RGS5: variants seen among roughly 807,000 people sequenced by gnomAD.
The protein encoded by RGS5 is regulator of G protein signaling 5.
A neutral mutation model predicts 18.9 loss-of-function variants in RGS5; 20 were observed. The ratio of observed to expected loss-of-function variants is 1.06; its 90% confidence interval spans 0.74 to 1.54. The LOEUF (loss-of-function observed/expected upper bound fraction) is 1.54. Ranked by LOEUF, RGS5 falls within the 40% of genes most tolerant of loss-of-function variation. The pLI, the probability that RGS5 is intolerant of heterozygous loss-of-function variation, is 0.00. For missense variants in RGS5, 201 were observed against 211.8 expected, an observed-to-expected ratio of 0.95 and a Z score of 0.32; for synonymous variants, 57 against 76.2, an observed-to-expected ratio of 0.75 and a Z score of 1.31.
chr1:163,297,074 T>C (rs1450557305), intron 2 of RGS5, among the ~76,000 whole-genome samples: 1 of 152,140 alleles, frequency 6.6e-6, no homozygotes, highest in African/African-American at 2.4e-5. Flanking sequence ...GGTGACTATC[T>C]GGGGCCGGTG....
In RGS5 at chr1:163,273,136, A is replaced by G. The variant is rs115692414; in HGVS notation, c.-281+33097T>C. ...TTTTCTTCAAAAAAAATGCATTGAG[A>G]CGTATTTAGTGGCCCAGTACATCAT... On this transcript the variant is annotated intron_variant, in intron 2 of 5. Coordinates refer to the RGS5 transcript ENST00000618415. Among the ~76,000 whole-genome samples the G allele has an allele frequency of 4.2e-3, 640 of 152,222 alleles. 3 individuals are homozygous for G. The highest frequency in any genetic ancestry group is 0.014 in the African/African-American group (592 of 41,554).
chr1:163,194,412 C>T (rs1011191552), intron 1 of RGS5, among the ~76,000 whole-genome samples: 1 of 152,128 alleles, frequency 6.6e-6, no homozygotes, highest in African/African-American at 2.4e-5. Flanking sequence ...TCTCAAAATA[C>T]ATGGTGTCCC....
chr1:163,271,066 G>T (rs1648705418), intron 2 of RGS5, among the ~76,000 whole-genome samples: 1 of 152,028 alleles, frequency 6.6e-6, no homozygotes, highest in South Asian at 2.1e-4. Flanking sequence ...TAGGACATTT[G>T]TTATTGCCTC....
chr1:163,164,539 C>T (rs151175988), intron 2 of RGS5, among the ~76,000 whole-genome samples: 1 of 152,290 alleles, frequency 6.6e-6, no homozygotes, highest in Non-Finnish European at 1.5e-5. Context: ...GCACTCACTG[C>T]CGAAGGGTAT....
At chr1:163,166,220 G>C (rs1162182790) in intron 2 of RGS5, among the ~76,000 whole-genome samples, 1 of 151,660 alleles carries the variant, frequency 6.6e-6, no homozygotes, top group Non-Finnish European at 1.5e-5. Context: ...AGTGCAAAAA[G>C]GGGAACAGAG....
At chr1:163,282,917 A>T (rs1449647253) in intron 2 of RGS5, among the ~76,000 whole-genome samples, 1 of 152,178 alleles carries the variant, frequency 6.6e-6, no homozygotes, top group Non-Finnish European at 1.5e-5. Context: ...GAATAAGAAA[A>T]TGCGGTATAT....
At chr1:163,204,342 C>CACAT (rs1553219085), upstream of RGS5, among the ~76,000 whole-genome samples, 69 of 147,954 alleles carry the variant, frequency 4.7e-4, no homozygotes, top group African/African-American at 1.7e-3. Flanking sequence ...CACACACACA[C>CACAT]ACAGACACAC....
chr1:163,243,572 G>A (rs547285588), intron 2 of RGS5, among the ~76,000 whole-genome samples: 2 of 149,892 alleles, frequency 1.3e-5, no homozygotes, highest in African/African-American at 2.5e-5. Context: ...GCGTGAACCC[G>A]GGAGGCGGAG....
chr1:163,269,807 A>C (rs1378308001), intron 2 of RGS5, among the ~76,000 whole-genome samples: 1 of 152,200 alleles, frequency 6.6e-6, no homozygotes, highest in Non-Finnish European at 1.5e-5. Context: ...ACTAATCTGC[A>C]TGCATATAAA....
At chr1:163,229,686 C>T (rs1647427580) in intron 2 of RGS5, among the ~76,000 whole-genome samples, 2 of 152,216 alleles carry the variant, frequency 1.3e-5, no homozygotes, top group South Asian at 2.1e-4. Flanking sequence ...CCTCAGATAG[C>T]TACATGGCTG....
At chr1:163,155,158 T>G (rs574434183) in intron 3 of RGS5, among the ~76,000 whole-genome samples, 88 of 152,130 alleles carry the variant, frequency 5.8e-4, no homozygotes, top group African/African-American at 2.0e-3. Context: ...TGTGACAAAT[T>G]TATTCTAATT....
At chr1:163,241,968 A>G (rs982226208) in intron 2 of RGS5, among the ~76,000 whole-genome samples, 2 of 152,190 alleles carry the variant, frequency 1.3e-5, no homozygotes, top group African/African-American at 4.8e-5. Flanking sequence ...AACTAGATTA[A>G]TTGTCCGTAG....
intron 2 of RGS5, among the ~76,000 whole-genome samples, chr1:163,235,019 A>G (rs1647586822): frequency 6.6e-6 from 1 of 152,244 alleles, no homozygotes; most frequent in Admixed American, 6.5e-5. Context: ...TGATCAAAGC[A>G]AGTCACAGGG....
intron 4 of RGS5, among the ~76,000 whole-genome samples, chr1:163,148,446 G>A (rs529863036): frequency 2.6e-4 from 40 of 152,166 alleles, no homozygotes; most frequent in Non-Finnish European, 5.7e-4. Context: ...TGAGTGCTCG[G>A]TCGGTGCCAG....
chr1:163,216,757 C>CT (rs1208361177), intron 1 of RGS5, among the ~76,000 whole-genome samples: 9 of 152,154 alleles, frequency 5.9e-5, no homozygotes, highest in Non-Finnish European at 1.0e-4. Context: ...TGTGAGCATG[C>CT]TGTGGGCTTC....
chr1:163,274,571 G>A (rs150806445), intron 2 of RGS5, among the ~76,000 whole-genome samples: 168 of 152,254 alleles, frequency 1.1e-3, no homozygotes, highest in African/African-American at 3.7e-3. Context: ...TATTGAACCT[G>A]GGGATGGATG....
chr1:163,251,133 T>C (rs1648096429), intron 2 of RGS5, among the ~76,000 whole-genome samples: 1 of 152,210 alleles, frequency 6.6e-6, no homozygotes, highest in South Asian at 2.1e-4. Context: ...GTTACATTTA[T>C]GTAAGACAAT....
At chr1:163,284,291 A>G (rs1649080045) in intron 2 of RGS5, among the ~76,000 whole-genome samples, 1 of 152,170 alleles carries the variant, frequency 6.6e-6, no homozygotes, top group South Asian at 2.1e-4. Flanking sequence ...TTCAGCAACT[A>G]TAGGCCTCAT....
chr1:163,248,444 T>C (rs150690322), intron 2 of RGS5: 39 of 152,274 alleles, frequency 2.6e-4, no homozygotes, highest in African/African-American at 9.1e-4. Context: ...GCCTAAGGGG[T>C]AGAAAATAGC....
Sources: gnomAD v4.1 joint callset for allele counts (sites outside exome capture counted in the v4.1 genomes callset) on GRCh38, gnomAD v4.1.1 for gene constraint, MANE v1.5 for transcripts, NCBI Gene and HGNC (gene_info 2026-07-23, HGNC 2026-07-21) for gene names.